The following STEAP4 variants were observed in gnomAD, a reference collection of about 807,000 sequenced individuals.
STEAP4 encodes the protein metalloreductase STEAP4.
STEAP4 carries 36 observed loss-of-function variants against 43.6 expected under a neutral mutation model. That is an observed-to-expected ratio of 0.83 (90% confidence interval 0.63 to 1.09). The LOEUF is 1.09. Ranked by LOEUF, STEAP4 falls within the 50% of genes least tolerant of loss-of-function variation. The pLI is 0.00. For missense variants in STEAP4, 495 were observed against 546.5 expected (o/e 0.91, Z 0.94); for synonymous variants, 191 against 196.7 (o/e 0.97, Z 0.24).
At position 88,277,446 on chromosome 7, in the gene STEAP4, A is replaced by C. The variant is rs938619028; in HGVS notation, c.*1952T>G. On this transcript the variant is annotated 3_prime_UTR_variant, in exon 5 of 5. Coordinates refer to ENST00000380079, the MANE Select transcript of STEAP4 (RefSeq NM_024636.4). ...ACTTTAGAAATGGCTTGGCAACATT[A>C]TCAGTGCAAAGATATTATCTGAAAT... 2 of 152,248 alleles carry C rather than the reference A, an allele frequency of 1.3e-5. No homozygotes were observed. The highest frequency in any genetic ancestry group is 1.3e-4 in the Admixed American group (2 of 15,284). 9.4% of individuals were successfully genotyped at this position (152,248 alleles called of 1,614,324 possible). A position where few individuals can be genotyped will look rare whatever the true frequency, so the allele number is the denominator to read the frequency against.
intron 3 of STEAP4, 196 bp downstream of exon 3, chr7:88,282,445 C>T: frequency 1.6e-6 from 1 of 628,916 alleles, no homozygotes; most frequent in Non-Finnish European, 2.6e-6. Context: ...CCGCCCCCGG[C>T]AAACTTTTAT....
intron 1 of STEAP4, among the ~76,000 whole-genome samples, chr7:88,297,683 CAAG>C (rs1852945160): frequency 6.6e-6 from 1 of 151,994 alleles, no homozygotes; most frequent in Non-Finnish European, 1.5e-5. Context: ...ACCTGACAGG[CAAG>C]AAGGAGTTTG....
intron 1 of STEAP4, among the ~76,000 whole-genome samples, chr7:88,294,798 G>C (rs1488866788): frequency 2.0e-5 from 3 of 151,942 alleles, no homozygotes; most frequent in Non-Finnish European, 4.4e-5. Flanking sequence ...TGTAGAAAAA[G>C]AAAAGGCAAG....
In STEAP4 at chr7:88,270,904, A is replaced by T. The variant is rs1286038279; in HGVS notation, c.*8494T>A. On this transcript the variant is annotated 3_prime_UTR_variant, in exon 5 of 5. Transcript: ENST00000380079. ...TTACTTTAAAAAATTTTTTGTTTAT[A>T]ATTTTTTAATTAAAAATTTTTAATT... 6.6e-6 allele frequency: 1 copy of T among 152,102 alleles called. No individual in the cohort carries two copies. The highest frequency in any genetic ancestry group is 2.4e-5 in the African/African-American group (1 of 41,442). The allele number at this position is 152,102 out of a possible 1,614,324, so 9.4% of individuals were successfully genotyped here.
At chr7:88,295,499 G>T (rs1852909924) in intron 1 of STEAP4, among the ~76,000 whole-genome samples, 1 of 152,130 alleles carries the variant, frequency 6.6e-6, no homozygotes, top group African/African-American at 2.4e-5. Flanking sequence ...ACTTTTTTAA[G>T]CTCCCCCAGG....
At chr7:88,301,408 G>A (rs1344280397) in intron 1 of STEAP4, among the ~76,000 whole-genome samples, 1 of 152,124 alleles carries the variant, frequency 6.6e-6, no homozygotes, top group African/African-American at 2.4e-5. Context: ...AAGTAGCTGA[G>A]ACTACATGTA....
At position 88,275,737 on chromosome 7, in the gene STEAP4, C is replaced by T. The variant is rs1233562823; in HGVS notation, c.*3661G>A. ...CTGCCATTACACCTTAATTTTGGAACAGAGTTCCAGAAGCTTTTATGCTCT... is the reference window on the plus strand; with the variant it reads ...CTGCCATTACACCTTAATTTTGGAATAGAGTTCCAGAAGCTTTTATGCTCT... On this transcript the variant is annotated 3_prime_UTR_variant, in exon 5 of 5. Coordinates refer to ENST00000380079, the MANE Select transcript of STEAP4 (RefSeq NM_024636.4). 1 of 151,908 alleles carries T rather than the reference C, an allele frequency of 6.6e-6. No individual in the cohort carries two copies. Among genetic ancestry groups the T allele is most frequent in the Non-Finnish European group, 1.5e-5 (1 of 68,004 alleles). The allele number at this position is 151,908 out of a possible 1,614,324, so 9.4% of individuals were successfully genotyped here. A position where few individuals can be genotyped will look rare whatever the true frequency, so the allele number is the denominator to read the frequency against.
At chr7:88,299,904 G>T (rs1310097747) in intron 1 of STEAP4, among the ~76,000 whole-genome samples, 1 of 152,008 alleles carries the variant, frequency 6.6e-6, no homozygotes, top group Admixed American at 6.6e-5. Flanking sequence ...AAATCTCTGG[G>T]GGCAGTCCAC....
chr7:88,277,418 G>T lies in STEAP4; in HGVS notation c.*1980C>A, dbSNP rs905926240. The T allele has an allele frequency of 6.6e-6, 1 of 152,134 alleles. No homozygotes were observed. Among genetic ancestry groups the T allele is most frequent in the Non-Finnish European group, 1.5e-5 (1 of 68,032 alleles). 9.4% of individuals were successfully genotyped at this position (152,134 alleles called of 1,614,324 possible). A position where few individuals can be genotyped will look rare whatever the true frequency, so the allele number is the denominator to read the frequency against. Reference sequence around the variant, plus strand: ...ATCCAATGGTAATTAAATTGATAAGGTCACTTTAGAAATGGCTTGGCAACA... The same window carrying T: ...ATCCAATGGTAATTAAATTGATAAGTTCACTTTAGAAATGGCTTGGCAACA... On this transcript the variant is annotated 3_prime_UTR_variant, in exon 5 of 5. Coordinates refer to ENST00000380079, the MANE Select transcript of STEAP4 (RefSeq NM_024636.4).
rs1316106382 is a variant in STEAP4 at position 88,279,562 on chromosome 7, A to G, written c.1216T>C (p.Phe406Leu). ...CATCTGAGATTTGAAGGGCTGAGGAATCTCTTCCCACCGTACACCAGGGTG... is the reference window on the plus strand; with the variant it reads ...CATCTGAGATTTGAAGGGCTGAGGAGTCTCTTCCCACCGTACACCAGGGTG... ...AHTLVYGGKR[F>L]LSPSNLRWYL... The change falls in exon 5 of 5, where the codon TTC (phenylalanine) becomes CTC (leucine). Residue 406 changes from phenylalanine (F) to leucine (L), a missense_variant. Physicochemically the swap from Phe to Leu is conservative, Grantham distance 22. Transcript: ENST00000380079. 6.2e-7 allele frequency: 1 copy of G among 1,613,966 alleles called. No homozygotes were observed. The highest frequency in any genetic ancestry group is 1.1e-5 in the South Asian group (1 of 91,078).
rs1563497706 is a variant in STEAP4, at chr7:88,283,899, A to C, written c.371T>G (p.Leu124Trp). 6.2e-7 allele frequency: 1 copy of C among 1,614,206 alleles called. No homozygotes were observed. Among genetic ancestry groups the C allele is most frequent in the African/African-American group, 1.3e-5 (1 of 75,058 alleles). ...PESNAEYLAH[L>W]VPGAHVVKAF... ...TTTTACCACGTGGGCTCCTGGCACCAAATGAGCAAGGTACTCTGCATTAGA... is the reference window on the plus strand; with the variant it reads ...TTTTACCACGTGGGCTCCTGGCACCCAATGAGCAAGGTACTCTGCATTAGA... Residue 124 changes from leucine (L) to tryptophan (W), a missense_variant, in exon 2 of 5, where the codon TTG (leucine) becomes TGG (tryptophan). Coordinates refer to ENST00000380079, the MANE Select transcript of STEAP4 (RefSeq NM_024636.4).
intron 3 of STEAP4, chr7:88,282,147 C>CTT (rs202221497): frequency 9.0e-5 from 13 of 145,200 alleles, no homozygotes; most frequent in East Asian, 2.0e-4. Context: ...TTTTTTCTTT[C>CTT]TTTTTTTTTT....
chr7:88,295,502 C>T (rs1852910016), intron 1 of STEAP4, among the ~76,000 whole-genome samples: 1 of 152,076 alleles, frequency 6.6e-6, no homozygotes, highest in Admixed American at 6.6e-5. Flanking sequence ...TTTTTAAGCT[C>T]CCCCAGGTGA....
intron 1 of STEAP4, among the ~76,000 whole-genome samples, chr7:88,296,006 T>C (rs10233237): frequency 0.011 from 1,607 of 152,190 alleles, 28 homozygotes; most frequent in African/African-American, 0.038. Flanking sequence ...GTGCAGGCCT[T>C]GGAAAAGAGA....
intron 2 of STEAP4, 50 bp from the exon 3 acceptor site, chr7:88,283,218 T>C (rs531093263): frequency 6.7e-7 from 1 of 1,489,780 alleles, no homozygotes; most frequent in Admixed American, 2.4e-5. Context: ...TTTCCTTATT[T>C]AATAATTATT....
At chr7:88,296,714 T>C (rs113408646) in intron 1 of STEAP4, among the ~76,000 whole-genome samples, 1 of 152,064 alleles carries the variant, frequency 6.6e-6, no homozygotes, top group African/African-American at 2.4e-5. Context: ...TTAAAAAAAA[T>C]AAAAACCTTC....
At chr7:88,297,826 T>C (rs757535082) in intron 1 of STEAP4, among the ~76,000 whole-genome samples, 85 of 152,182 alleles carry the variant, frequency 5.6e-4, no homozygotes, top group Non-Finnish European at 2.1e-4. Flanking sequence ...AATAAGCTCA[T>C]AATAAGTTGA....
In STEAP4 at chr7:88,283,304, TA is replaced by T; in HGVS notation, c.457-137del. The T allele has an allele frequency of 3.3e-6, 3 of 913,884 alleles. No homozygotes were observed. In the South Asian group the frequency reaches 6.7e-5, roughly 21 times the overall value. The allele number at this position is 913,884 out of a possible 1,614,324, so 56.6% of individuals were successfully genotyped here. A position where few individuals can be genotyped will look rare whatever the true frequency, so the allele number is the denominator to read the frequency against. ...CGATTTTAAAATAAGGATGTAGAATTAACATATGTAACAAGATGTTTTAAAC... is the reference window on the plus strand; with the variant it reads ...CGATTTTAAAATAAGGATGTAGAATTACATATGTAACAAGATGTTTTAAAC... On this transcript the variant is annotated intron_variant, in intron 2 of 4. Coordinates refer to ENST00000380079, the MANE Select transcript of STEAP4 (RefSeq NM_024636.4).
rs1852456521 is a variant in STEAP4, at chr7:88,272,819, C to T, written c.*6579G>A. Reference sequence around the variant, plus strand: ...CAACTAGGGAAACTTTGGTTATCTACAGAGAGAACTCCCTGATAATTTCCT... The same window carrying T: ...CAACTAGGGAAACTTTGGTTATCTATAGAGAGAACTCCCTGATAATTTCCT... On this transcript the variant is annotated 3_prime_UTR_variant, in exon 5 of 5. Transcript: ENST00000380079. The T allele has an allele frequency of 6.6e-6, 1 of 152,172 alleles. No individual in the cohort carries two copies. Among genetic ancestry groups the T allele is most frequent in the African/African-American group, 2.4e-5 (1 of 41,432 alleles). 9.4% of individuals were successfully genotyped at this position (152,172 alleles called of 1,614,324 possible).
Sources: gnomAD v4.1 joint callset for allele counts (sites outside exome capture counted in the v4.1 genomes callset) on GRCh38, gnomAD v4.1.1 for gene constraint, MANE v1.5 for transcripts, NCBI Gene and HGNC (gene_info 2026-07-23, HGNC 2026-07-21) for gene names.